KIF21A: variants seen among roughly 807,000 people sequenced by gnomAD.
KIF21A encodes kinesin-like protein KIF21A.
A neutral mutation model predicts 202.9 loss-of-function variants in KIF21A; 114 were observed. The ratio of observed to expected loss-of-function variants is 0.56; its 90% CI spans 0.48 to 0.66. The LOEUF (loss-of-function observed/expected upper bound fraction) is 0.66. Ranked by LOEUF, KIF21A falls within the 30% of genes least tolerant of loss-of-function variation. KIF21A has a pLI of 0.00. For synonymous variants in KIF21A, 667 were observed against 670.8 expected, an observed-to-expected ratio of 0.99 and a Z score of 0.09; for missense variants, 1,677 against 1,994.9, an observed-to-expected ratio of 0.84 and a Z score of 3.04.
chr12:39,306,333 C>T (rs1943471626), intron 34 of KIF21A, among the ~76,000 whole-genome samples: 1 of 152,134 alleles, frequency 6.6e-6, no homozygotes, highest in South Asian at 2.1e-4. Context: ...TTGACTATTT[C>T]TTCTATGGTG....
intron 1 of KIF21A, among the ~76,000 whole-genome samples, chr12:39,385,329 C>T (rs1353603264): frequency 1.3e-5 from 2 of 151,898 alleles, no homozygotes; most frequent in African/African-American, 4.8e-5. Flanking sequence ...GCCACCAGTA[C>T]CAATATCAGA....
At chr12:39,387,332 C>T (rs1174225948) in intron 1 of KIF21A, among the ~76,000 whole-genome samples, 1 of 152,034 alleles carries the variant, frequency 6.6e-6, no homozygotes, top group East Asian at 1.9e-4. Context: ...TTTCCAATGT[C>T]CACTTTAAAT....
At chr12:39,331,611 G>A in intron 22 of KIF21A, 79 bp downstream of exon 22, 1 of 917,088 alleles carries the variant, frequency 1.1e-6, no homozygotes, top group East Asian at 2.4e-5. Context: ...AAAGCAAAGG[G>A]TTACTACAGA....
At chr12:39,399,569 T>G (rs1952011166) in intron 1 of KIF21A, among the ~76,000 whole-genome samples, 1 of 152,212 alleles carries the variant, frequency 6.6e-6, no homozygotes, top group South Asian at 2.1e-4. Flanking sequence ...TCATAATACA[T>G]TATATAAACA....
chr12:39,332,779 T>C lies in KIF21A; in HGVS notation c.2703-35A>G, dbSNP rs747081930. On this transcript the variant is annotated intron_variant, in intron 19 of 37. Coordinates refer to ENST00000361418, the MANE Select transcript of KIF21A (RefSeq NM_001173464.2). ...TATAAAACAGACAAGCTCAATTACT[T>C]ATGCACTTATTTGATTGTGCACTGC... The C allele has an allele frequency of 4.3e-6, 7 of 1,611,634 alleles. No homozygotes were observed. The East Asian group carries it at 1.6e-4, about 36-fold the overall frequency.
chr12:39,379,072 C>T (rs1283576244), intron 1 of KIF21A, among the ~76,000 whole-genome samples: 2 of 152,142 alleles, frequency 1.3e-5, no homozygotes, highest in East Asian at 1.9e-4. Flanking sequence ...TGATTCATGC[C>T]TGTAATCCCA....
chr12:39,351,908 C>T lies in KIF21A; in HGVS notation c.1542G>A (p.Ala514=), dbSNP rs199973182. 216 of 1,613,110 alleles carry T rather than the reference C, an allele frequency of 1.3e-4. No individual in the cohort carries two copies. Among genetic ancestry groups the T allele is most frequent in the Admixed American group, 5.8e-4 (35 of 59,934 alleles). The change falls in exon 11 of 38, where the codon GCG becomes GCA. Residue 514 remains alanine, a synonymous_variant. Coordinates refer to ENST00000361418, the MANE Select transcript of KIF21A (RefSeq NM_001173464.2). The stretch of plus-strand genomic sequence containing the variant: ...AAGTTGATGATCCGCTGAAATATGG[C>T]GCTCTTGCTGTGGCTCTTGTCAAGT... ...RKNLTRATAR[A]PYFSGSSTFS...
intron 1 of KIF21A, among the ~76,000 whole-genome samples, chr12:39,378,773 C>A (rs1255854252): frequency 1.3e-5 from 2 of 151,692 alleles, no homozygotes; most frequent in Non-Finnish European, 2.9e-5. Context: ...GGTAGGGGAA[C>A]GATAAGTAAA....
intron 12 of KIF21A, among the ~76,000 whole-genome samples, chr12:39,346,026 G>A (rs1947860892): frequency 6.6e-6 from 1 of 151,820 alleles, no homozygotes. Flanking sequence ...ACCAAATAAA[G>A]AAGAGAGAGA....
At chr12:39,353,544 TA>T (rs1948555152) in intron 10 of KIF21A, among the ~76,000 whole-genome samples, 1 of 152,160 alleles carries the variant, frequency 6.6e-6, no homozygotes, top group Non-Finnish European at 1.5e-5. Context: ...TACTTTTCTA[TA>T]TTTTTAATTT....
At chr12:39,385,338 G>T (rs1182875692) in intron 1 of KIF21A, among the ~76,000 whole-genome samples, 2 of 152,008 alleles carry the variant, frequency 1.3e-5, no homozygotes, top group East Asian at 3.9e-4. Flanking sequence ...ACCAATATCA[G>T]ATATCTTTTA....
intron 1 of KIF21A, among the ~76,000 whole-genome samples, chr12:39,441,895 TTAAAGCA>T: frequency 6.6e-6 from 1 of 152,142 alleles, no homozygotes; most frequent in South Asian, 2.1e-4. Flanking sequence ...TTTATAATCC[TTAAAGCA>T]TAAATAAGGA....
chr12:39,328,990 G>C (rs1269698682), intron 24 of KIF21A, among the ~76,000 whole-genome samples: 1 of 152,104 alleles, frequency 6.6e-6, no homozygotes, highest in Non-Finnish European at 1.5e-5. Flanking sequence ...CTCCTCAGTA[G>C]GGCATCAAGT....
intron 26 of KIF21A, 48 bp downstream of exon 26, chr12:39,325,791 A>G: frequency 7.6e-7 from 1 of 1,318,000 alleles, no homozygotes; most frequent in Non-Finnish European, 1.1e-6. Flanking sequence ...TAGTGATAAC[A>G]AATAATGGTG....
intron 1 of KIF21A, among the ~76,000 whole-genome samples, chr12:39,421,798 ATATAT>A (rs1954303004): frequency 6.8e-6 from 1 of 147,044 alleles, no homozygotes; most frequent in Non-Finnish European, 1.5e-5. Flanking sequence ...GTATAATTTT[ATATAT>A]TATATAATTA....
chr12:39,362,183 C>CT (rs2138995673), intron 7 of KIF21A, among the ~76,000 whole-genome samples: 1 of 152,272 alleles, frequency 6.6e-6, no homozygotes, highest in South Asian at 2.1e-4. Flanking sequence ...ATCATGCTTC[C>CT]TGTAGAGCCT....
At chr12:39,402,096 T>C (rs1952210494) in intron 1 of KIF21A, among the ~76,000 whole-genome samples, 2 of 152,198 alleles carry the variant, frequency 1.3e-5, no homozygotes, top group Admixed American at 1.3e-4. Context: ...ACATTCTGGG[T>C]AATTGGCAAA....
At chr12:39,350,378 G>A (rs902386861) in intron 11 of KIF21A, among the ~76,000 whole-genome samples, 1 of 151,936 alleles carries the variant, frequency 6.6e-6, no homozygotes, top group East Asian at 1.9e-4. Flanking sequence ...AGCAGTATCA[G>A]TTGTGACCTT....
intron 24 of KIF21A, chr12:39,330,031 A>T: frequency 2.1e-6 from 1 of 475,708 alleles, no homozygotes; most frequent in Non-Finnish European, 3.8e-6. Context: ...ACAAAAGCAT[A>T]CTTCTTTAAA....
Sources: gnomAD v4.1 joint callset for allele counts (sites outside exome capture counted in the v4.1 genomes callset) on GRCh38, gnomAD v4.1.1 for gene constraint, MANE v1.5 for transcripts, NCBI Gene and HGNC (gene_info 2026-07-23, HGNC 2026-07-21) for gene names.